GRTP1: variants seen among roughly 807,000 people sequenced by gnomAD.
GRTP1 encodes growth hormone regulated TBC protein 1, also known as growth hormone-regulated TBC protein 1.
In GRTP1, 56 loss-of-function variants were observed where a neutral mutation model predicts 38.1. That is an observed-to-expected ratio of 1.47 (90% CI 1.19 to 1.84). The LOEUF (loss-of-function observed/expected upper bound fraction) is 1.84. Among genes scored for constraint, GRTP1 ranks in the 40% most tolerant of loss-of-function variants. The pLI is 0.00. For missense variants in GRTP1, 506 were observed against 453.9 expected (o/e 1.11, Z -1.04); for synonymous variants, 217 against 189.5 (o/e 1.14, Z -1.19).
At chr13:113,324,675 TGAGG>T (rs2042733149) in intron 7 of GRTP1, 98 bp from the exon 8 acceptor site, 1 of 1,503,650 alleles carries the variant, frequency 6.7e-7, no homozygotes, top group East Asian at 2.5e-5. Context: ...TCGTGTGAGG[TGAGG>T]GAGGAGCAGT....
intron 2 of GRTP1, among the ~76,000 whole-genome samples, chr13:113,356,456 C>T (rs1481619063): frequency 6.6e-6 from 1 of 152,026 alleles, no homozygotes; most frequent in East Asian, 1.9e-4. Context: ...TTAGTAAAGA[C>T]AGGATTTCAC....
At chr13:113,325,167 A>T in intron 7 of GRTP1, 1 of 1,047,064 alleles carries the variant, frequency 9.6e-7, no homozygotes, top group Non-Finnish European at 1.2e-6. Context: ...CAGCTGCTGA[A>T]ATACCGCCCA....
intron 5 of GRTP1, among the ~76,000 whole-genome samples, chr13:113,335,568 G>A (rs1049221958): frequency 1.3e-5 from 2 of 151,986 alleles, no homozygotes; most frequent in African/African-American, 2.4e-5. Context: ...ACTAACACAC[G>A]GTCTCACTTC....
At chr13:113,326,228 G>C in intron 5 of GRTP1, 137 bp from the exon 6 acceptor site, 2 of 1,082,688 alleles carry the variant, frequency 1.8e-6, no homozygotes, top group Non-Finnish European at 2.6e-6. Flanking sequence ...AGTTGGAGAG[G>C]AAGAGTCGGG....
chr13:113,325,445 A>G (rs2042745329), intron 7 of GRTP1: 43 of 1,445,446 alleles, frequency 3.0e-5, no homozygotes, highest in Non-Finnish European at 2.6e-5. Flanking sequence ...CAGCGTCCGC[A>G]GTGCCAGGGC....
chr13:113,345,803 G>C (rs911564719), intron 4 of GRTP1, among the ~76,000 whole-genome samples: 1 of 152,224 alleles, frequency 6.6e-6, no homozygotes, highest in Admixed American at 6.5e-5. Context: ...CCTTGGCCTG[G>C]ACCTCCCCTT....
At chr13:113,336,386 G>A (rs923458825) in intron 5 of GRTP1, among the ~76,000 whole-genome samples, 1 of 147,268 alleles carries the variant, frequency 6.8e-6, no homozygotes, top group African/African-American at 2.5e-5. Context: ...CACCCTCTAG[G>A]TGTAAGATTC....
At chr13:113,352,978 G>C (rs115917724) in intron 3 of GRTP1, among the ~76,000 whole-genome samples, 1,528 of 125,474 alleles carry the variant, frequency 0.012, 33 homozygotes, top group African/African-American at 0.044. Flanking sequence ...ACCCAGCAGA[G>C]TCCACTCTAG....
chr13:113,361,157 A>G (rs1327927774), intron 2 of GRTP1, among the ~76,000 whole-genome samples: 1 of 149,512 alleles, frequency 6.7e-6, no homozygotes, highest in Admixed American at 6.7e-5. Context: ...GAAAGTTGTT[A>G]CTTCAATAAA....
At chr13:113,346,009 TC>T (rs1934165980) in intron 4 of GRTP1, among the ~76,000 whole-genome samples, 1 of 94,600 alleles carries the variant, frequency 1.1e-5, no homozygotes, top group Non-Finnish European at 2.3e-5. Flanking sequence ...CGAGAGGACC[TC>T]TGCGGCTGAG....
chr13:113,362,571 G>T (rs4907622), intron 2 of GRTP1, among the ~76,000 whole-genome samples: 1 of 151,920 alleles, frequency 6.6e-6, no homozygotes, highest in African/African-American at 2.4e-5. Flanking sequence ...AGGAGGTCAA[G>T]GCTACAGTGA....
At position 113,348,974 on chromosome 13, in the gene GRTP1, G is replaced by A. The variant is rs1050998601; in HGVS notation, c.465+1875C>T. 6.6e-6 allele frequency among the ~76,000 whole-genome samples: 1 copy of A among 152,192 alleles called. No individual in the cohort carries two copies. The highest frequency in any genetic ancestry group is 1.5e-5 in the Non-Finnish European group (1 of 68,036). Reference sequence around the variant, plus strand: ...TCTCCGCACACACATGTACGTATGTGCCTGTAGGTTCCAAAAGCCAGCTGT... The same window carrying A: ...TCTCCGCACACACATGTACGTATGTACCTGTAGGTTCCAAAAGCCAGCTGT... On this transcript the variant is annotated intron_variant, in intron 4 of 7. Transcript: ENST00000375431. This position sits in a 1 kb window ranked among gnomAD's most constrained non-coding sequence, Gnocchi z 4.8.
chr13:113,328,829 T>C (rs2042813744), intron 5 of GRTP1, among the ~76,000 whole-genome samples: 1 of 152,232 alleles, frequency 6.6e-6, no homozygotes, highest in East Asian at 1.9e-4. Flanking sequence ...CCTCTCCCTT[T>C]CCCTACCAGG....
At chr13:113,355,295 C>A in intron 3 of GRTP1, 28 bp downstream of exon 3, 1 of 1,610,044 alleles carries the variant, frequency 6.2e-7, no homozygotes. Flanking sequence ...CCGGGCCCTG[C>A]ACCAGAGCTC....
chr13:113,337,026 G>A (rs1267372086), intron 5 of GRTP1, among the ~76,000 whole-genome samples: 1 of 152,240 alleles, frequency 6.6e-6, no homozygotes, highest in African/African-American at 2.4e-5. Context: ...AGGCGTGGTG[G>A]CTCAAGCCTG....
rs1204916107 is a variant in GRTP1 at position 113,343,822 on chromosome 13, G to A, written c.562+1041C>T. 6.6e-6 allele frequency among the ~76,000 whole-genome samples: 1 copy of A among 152,142 alleles called. No individual in the cohort carries two copies. The highest frequency in any genetic ancestry group is 2.4e-5 in the African/African-American group (1 of 41,440). On this transcript the variant is annotated intron_variant, in intron 5 of 7. Coordinates refer to ENST00000375431, the MANE Select transcript of GRTP1 (RefSeq NM_024719.4). This position sits in a 1 kb window ranked among gnomAD's most constrained non-coding sequence, Gnocchi z 4.8. ...TCACGTCTCCTCTGCCCTGCAGGAT[G>A]AGCACGCAGCCCCCTTGACCCAGCA...
rs141184351 is a variant in GRTP1, at chr13:113,336,586, C to T, written c.562+8277G>A. ...GAGGGGGGCTGGCTTCAGAGCCACC[C>T]GCTGGGGTGGCCCTGCCTACACCTA... On this transcript the variant is annotated intron_variant, in intron 5 of 7. Coordinates refer to ENST00000375431, the MANE Select transcript of GRTP1 (RefSeq NM_024719.4). 5.8e-3 allele frequency among the ~76,000 whole-genome samples: 843 copies of T among 145,126 alleles called. 10 individuals are homozygous for T. Among genetic ancestry groups the T allele is most frequent in the African/African-American group, 0.021 (815 of 39,216 alleles).
At chr13:113,325,055 C>T in intron 7 of GRTP1, 1 of 915,408 alleles carries the variant, frequency 1.1e-6, no homozygotes, top group Non-Finnish European at 1.3e-6. Context: ...GTCTTGAACT[C>T]CTGACCTCAG....
intron 3 of GRTP1, among the ~76,000 whole-genome samples, chr13:113,352,359 T>TTTATATATATATATATTTATATATA (rs1566438054): frequency 1.3e-3 from 16 of 12,292 alleles, no homozygotes; most frequent in South Asian, 6.8e-3. Context: ...TTATATATAT[T>TTTATATATATATATATTTATATATA]TTATATATAT....
Sources: allele counts gnomAD v4.1 joint callset (sites outside exome capture counted in the v4.1 genomes callset), GRCh38; gene constraint gnomAD v4.1.1; non-coding constraint Gnocchi (gnomAD v3.1); transcripts MANE v1.5; gene names NCBI Gene and HGNC (gene_info 2026-07-23, HGNC 2026-07-21).